KIAA1549: variants seen among roughly 807,000 people sequenced by gnomAD.
KIAA1549 encodes the protein UPF0606 protein KIAA1549.
A neutral mutation model predicts 156.4 loss-of-function variants in KIAA1549; 70 were observed. The observed-to-expected ratio is 0.45, with a 90% CI of 0.37 to 0.55. The LOEUF (loss-of-function observed/expected upper bound fraction) is 0.55. Among genes scored for constraint, KIAA1549 ranks in the 20% least tolerant of loss-of-function variants. KIAA1549 has a pLI of 0.00. For missense variants in KIAA1549, 2,428 were observed against 2,540.9 expected (o/e 0.96, Z 0.96); for synonymous variants, 1,103 against 1,066.4 (o/e 1.03, Z -0.67).
chr7:138,970,823 T>A (rs191183531), intron 1 of KIAA1549, among the ~76,000 whole-genome samples: 1 of 152,296 alleles, frequency 6.6e-6, no homozygotes, highest in East Asian at 1.9e-4. Flanking sequence ...CTTCCCCCTT[T>A]GAAAGCTCCC....
chr7:138,950,186 C>T (rs566777422), intron 1 of KIAA1549, among the ~76,000 whole-genome samples: 1 of 152,258 alleles, frequency 6.6e-6, no homozygotes, highest in South Asian at 2.1e-4. Context: ...TACAGCCATT[C>T]AGTTTGTGAA....
intron 10 of KIAA1549, among the ~76,000 whole-genome samples, chr7:138,890,222 TG>T (rs929682229): frequency 6.6e-6 from 1 of 152,156 alleles, no homozygotes; most frequent in Non-Finnish European, 1.5e-5. Context: ...GCCTGATGAA[TG>T]TGAACACGTG....
At chr7:138,892,808 T>C (rs1428761347) in intron 10 of KIAA1549, among the ~76,000 whole-genome samples, 1 of 152,234 alleles carries the variant, frequency 6.6e-6, no homozygotes, top group Non-Finnish European at 1.5e-5. Flanking sequence ...GAATTTTTCA[T>C]ACCCAAGACA....
At chr7:138,935,047 G>A (rs532973705) in intron 1 of KIAA1549, among the ~76,000 whole-genome samples, 1 of 152,152 alleles carries the variant, frequency 6.6e-6, no homozygotes, top group Non-Finnish European at 1.5e-5. Flanking sequence ...CTCGTAATTA[G>A]TCACCCCTTC....
At chr7:138,913,772 C>T (rs1812235268) in intron 2 of KIAA1549, among the ~76,000 whole-genome samples, 1 of 152,038 alleles carries the variant, frequency 6.6e-6, no homozygotes, top group South Asian at 2.1e-4. Context: ...GCAGCCAACT[C>T]CGCATGGCCC....
intron 1 of KIAA1549, among the ~76,000 whole-genome samples, chr7:138,958,182 G>A (rs764791669): frequency 1.3e-5 from 2 of 152,202 alleles, no homozygotes; most frequent in African/African-American, 2.4e-5. Flanking sequence ...TGACCCACAT[G>A]CGCGGGCCAC....
At chr7:138,852,052 G>C (rs976535483) in intron 17 of KIAA1549, among the ~76,000 whole-genome samples, 171 bp downstream of exon 17, 4 of 152,152 alleles carry the variant, frequency 2.6e-5, no homozygotes, top group Non-Finnish European at 5.9e-5. Context: ...GTCATTACTG[G>C]AACAGAACTT....
At chr7:138,864,663 T>C (rs1016296567) in intron 15 of KIAA1549, among the ~76,000 whole-genome samples, 1 of 152,192 alleles carries the variant, frequency 6.6e-6, no homozygotes, top group Non-Finnish European at 1.5e-5. Context: ...TTTGTGGGTG[T>C]TGCAAGAGGG....
At chr7:138,924,302 T>C (rs1203538848) in intron 1 of KIAA1549, among the ~76,000 whole-genome samples, 2 of 151,742 alleles carry the variant, frequency 1.3e-5, no homozygotes, top group Admixed American at 6.6e-5. Flanking sequence ...TAAATCTGAA[T>C]GTTTTCCTAA....
intron 1 of KIAA1549, among the ~76,000 whole-genome samples, chr7:138,956,747 G>A (rs558130592): frequency 2.2e-4 from 34 of 152,146 alleles, no homozygotes; most frequent in African/African-American, 7.0e-4. Flanking sequence ...CTGTGAAAAC[G>A]GACTAATACA....
At chr7:138,974,142 T>C (rs907870436) in intron 1 of KIAA1549, among the ~76,000 whole-genome samples, 13 of 152,030 alleles carry the variant, frequency 8.6e-5, no homozygotes, top group Non-Finnish European at 4.4e-5. Context: ...TAAAGAAAAA[T>C]TGCTCAGCAT....
rs749931272 is a variant in KIAA1549 at position 138,844,367 on chromosome 7, G to A, written c.5402C>T (p.Ser1801Leu). The part of the protein sequence containing the change: ...EAPFAARGIY[S>L]EEMPSVARPR... ...CCGGGCCACCGACGGCATCTCCTCC[G>A]AGTAGATCCCTCTGGCAGCAAATGG... Residue 1801 changes from serine (S) to leucine (L), a missense_variant, in exon 18 of 20, where the codon TCG becomes TTG. This residue lies in a region of KIAA1549 where 363 missense variants were observed against 354.0 expected (regional missense o/e 1.03). Transcript: ENST00000422774. The A allele has an allele frequency of 2.5e-5, 41 of 1,613,180 alleles. No individual in the cohort carries two copies. The highest frequency in any genetic ancestry group is 2.0e-4 in the Admixed American group (12 of 59,874).
At chr7:138,865,410 A>G (rs1246923383) in intron 15 of KIAA1549, among the ~76,000 whole-genome samples, 1 of 151,848 alleles carries the variant, frequency 6.6e-6, no homozygotes, top group Non-Finnish European at 1.5e-5. Context: ...TCAAAAACAC[A>G]TAGTACTTCC....
Position 138,832,347 on chromosome 7 carries a change from CCACCATGCT to C in KIAA1549, c.*5550_*5558del, listed in dbSNP as rs946974123. ...GAGTAGCTGGGACTACTGGCACATGCCACCATGCTCAGCTAATTTTTAAATTTTTTTTGT... is the reference window on the plus strand; with the variant it reads ...GAGTAGCTGGGACTACTGGCACATGCCAGCTAATTTTTAAATTTTTTTTGT... On this transcript the variant is annotated 3_prime_UTR_variant, in exon 20 of 20. Transcript: ENST00000422774. 1 of 195,528 alleles carries C rather than the reference CCACCATGCT, an allele frequency of 5.1e-6. No individual in the cohort carries two copies. The highest frequency in any genetic ancestry group is 2.3e-5 in the African/African-American group (1 of 43,254). 12.1% of individuals were successfully genotyped at this position (195,528 alleles called of 1,614,324 possible).
In KIAA1549 at chr7:138,918,394, G is replaced by A. The variant is rs374082447; in HGVS notation, c.1232C>T (p.Pro411Leu). 250 of 1,613,958 alleles carry A rather than the reference G, an allele frequency of 1.5e-4. 4 individuals carry two copies. The South Asian group carries it at 2.5e-3, about 16-fold the overall frequency. Residue 411 changes from proline to leucine, a missense_variant, in exon 2 of 20, where the codon CCG (proline) becomes CTG (leucine). Around this residue, in one of 5 missense-constraint regions of KIAA1549, gnomAD observed 893 missense variants for 847.9 expected, o/e 1.05. Transcript: ENST00000422774. The surrounding 1 kb of genome is among the most constrained non-coding windows in gnomAD (Gnocchi z 4.2). ...AGTGTATGGTCTGAATGAGGACACC[G>A]GGCTCAGGATATGAGTGTTGTCCAC... ...GPVDNTHILS[P>L]VSSFRPYTWC...
chr7:138,857,493 T>A (rs1465450873), intron 16 of KIAA1549, among the ~76,000 whole-genome samples: 1 of 152,222 alleles, frequency 6.6e-6, no homozygotes, highest in Non-Finnish European at 1.5e-5. Context: ...GTAGGATATA[T>A]GTTTAACTTT....
intron 1 of KIAA1549, among the ~76,000 whole-genome samples, chr7:138,921,198 T>G (rs1812554140): frequency 1.3e-5 from 2 of 151,386 alleles, no homozygotes; most frequent in South Asian, 4.2e-4. Context: ...GGAAGAAAAA[T>G]ATCCACTTTT....
rs952569464 is a variant in KIAA1549 at position 138,917,425 on chromosome 7, G to A, written c.2201C>T (p.Thr734Met). The change falls in exon 2 of 20, where the codon ACG becomes ATG. Residue 734 changes from threonine to methionine, a missense_variant. Around this residue, in one of 5 missense-constraint regions of KIAA1549, gnomAD observed 762 missense variants for 901.6 expected, o/e 0.85. Coordinates refer to ENST00000422774, the MANE Select transcript of KIAA1549 (RefSeq NM_001164665.2). ...AGCTTCTGAATCCGTCAGTGAAACC[G>A]TAGACGCTTCAACAAACTCGAGAGA... The part of the protein sequence containing the change: ...SDSLEFVEAS[T>M]VSLTDSEAHF... 21 of 1,613,858 alleles carry A rather than the reference G, an allele frequency of 1.3e-5. No individual in the cohort carries two copies. Among genetic ancestry groups the A allele is most frequent in the East Asian group, 6.7e-5 (3 of 44,894 alleles).
chr7:138,893,935 G>A (rs1811610397), intron 10 of KIAA1549, among the ~76,000 whole-genome samples: 1 of 152,214 alleles, frequency 6.6e-6, no homozygotes, highest in South Asian at 2.1e-4. Flanking sequence ...GCCAGGTGTG[G>A]TGGCACACGC....
Sources: gnomAD v4.1 joint callset for allele counts (sites outside exome capture counted in the v4.1 genomes callset) on GRCh38, gnomAD v4.1.1 for gene constraint, gnomAD v4.1.1 regional missense constraint, Gnocchi (gnomAD v3.1) non-coding constraint, MANE v1.5 for transcripts, NCBI Gene and HGNC (gene_info 2026-07-23, HGNC 2026-07-21) for gene names.